EVI5L: variants seen among roughly 807,000 people sequenced by gnomAD.
EVI5L encodes the protein EVI5-like protein.
A neutral mutation model predicts 106.1 loss-of-function variants in EVI5L; 30 were observed. That is an observed-to-expected ratio of 0.28 (90% CI 0.21 to 0.38). The LOEUF (loss-of-function observed/expected upper bound fraction) is 0.38. Ranked by LOEUF, EVI5L falls within the 10% of genes least tolerant of loss-of-function variation. The pLI is 1.00. For synonymous variants in EVI5L, 489 were observed against 483.3 expected (o/e 1.01, Z -0.15); for missense variants, 809 against 1,098.0 (o/e 0.74, Z 3.72).
intron 1 of EVI5L, among the ~76,000 whole-genome samples, chr19:7,833,499 C>A (rs1017622208): frequency 4.6e-5 from 7 of 152,198 alleles, no homozygotes; most frequent in Non-Finnish European, 1.0e-4. Flanking sequence ...CAGCAGGCTG[C>A]AATGGGAGCC....
rs751446273 is a variant in EVI5L at position 7,849,988 on chromosome 19, C to T, written c.628-9C>T. 1.6e-5 allele frequency: 26 copies of T among 1,583,788 alleles called. No individual in the cohort carries two copies. Among genetic ancestry groups the T allele is most frequent in the South Asian group, 8.1e-5 (7 of 86,858 alleles). ...GCCCTGAGCCCCCCCACCTGCCCGT[C>T]CCCCCTAGATGCCTGAGGAGGAGGC... On this transcript the variant is annotated splice_polypyrimidine_tract_variant and intron_variant, in intron 5 of 19. Coordinates refer to ENST00000538904, the MANE Select transcript of EVI5L (RefSeq NM_001159944.3).
At position 7,853,416 on chromosome 19, in the gene EVI5L, G is replaced by C. The variant is rs1187152293; in HGVS notation, c.1146+83G>C. 3.9e-6 allele frequency: 6 copies of C among 1,533,824 alleles called. No homozygotes were observed. The African/African-American group carries it at 8.2e-5, about 21-fold the overall frequency. ...CCGTACTCTAAAGATCGGCCGCTAG[G>C]GGGCGGGCCTTCCCAGCGCACAGGC... On this transcript the variant is annotated intron_variant, in intron 10 of 19. Coordinates refer to ENST00000538904, the MANE Select transcript of EVI5L (RefSeq NM_001159944.3).
chr19:7,854,377 T>C (rs148292481), intron 10 of EVI5L, among the ~76,000 whole-genome samples: 305 of 151,580 alleles, frequency 2.0e-3, no homozygotes, highest in Middle Eastern at 3.4e-3. Context: ...GCACCAGTGA[T>C]AGGAAGGGAC....
chr19:7,853,060 C>T lies in EVI5L; in HGVS notation c.988-26C>T, dbSNP rs571945687. 35 of 1,612,976 alleles carry T rather than the reference C, an allele frequency of 2.2e-5. No homozygotes were observed. The Admixed American group carries it at 2.7e-4, about 12-fold the overall frequency. On this transcript the variant is annotated intron_variant, in intron 8 of 19. Coordinates refer to ENST00000538904, the MANE Select transcript of EVI5L (RefSeq NM_001159944.3). Reference sequence around the variant, plus strand: ...GTGGTCAGGGCCTGCATGTTGGTGACCAGGTGACCGGCTGTGTCCCCACAG... The same window carrying T: ...GTGGTCAGGGCCTGCATGTTGGTGATCAGGTGACCGGCTGTGTCCCCACAG...
At chr19:7,836,126 A>G (rs142588188) in intron 1 of EVI5L, among the ~76,000 whole-genome samples, 1 of 152,198 alleles carries the variant, frequency 6.6e-6, no homozygotes, top group East Asian at 1.9e-4. Context: ...AATCCCAGCT[A>G]CTCGGGAGGC....
At chr19:7,842,156 G>A (rs1298465128) in intron 1 of EVI5L, among the ~76,000 whole-genome samples, 1 of 151,786 alleles carries the variant, frequency 6.6e-6, no homozygotes, top group Admixed American at 6.6e-5. Flanking sequence ...TGTGTATGAG[G>A]TGTGTACTGT....
chr19:7,839,611 A>G (rs1222728992), intron 1 of EVI5L, among the ~76,000 whole-genome samples: 1 of 152,064 alleles, frequency 6.6e-6, no homozygotes, highest in African/African-American at 2.4e-5. Flanking sequence ...AGTTCAATGG[A>G]CGTGGCAGGC....
At chr19:7,842,094 G>C (rs1322029399) in intron 1 of EVI5L, among the ~76,000 whole-genome samples, 3 of 152,164 alleles carry the variant, frequency 2.0e-5, no homozygotes, top group African/African-American at 7.2e-5. Flanking sequence ...GTGTTGAGAA[G>C]TGTGAAAGAG....
At chr19:7,842,587 C>T (rs186813699) in intron 1 of EVI5L, among the ~76,000 whole-genome samples, 6,718 of 125,752 alleles carry the variant, frequency 0.053, 340 homozygotes, top group South Asian at 0.28. Flanking sequence ...ATGTATCAAG[C>T]ATGTGTGAAT....
intron 1 of EVI5L, among the ~76,000 whole-genome samples, chr19:7,833,467 G>A: frequency 6.6e-6 from 1 of 152,266 alleles, no homozygotes; most frequent in Admixed American, 6.5e-5. Context: ...CTGCTGCGGG[G>A]AGCATGAGAC....
At chr19:7,842,177 G>A (rs1055467060) in intron 1 of EVI5L, among the ~76,000 whole-genome samples, 2 of 136,938 alleles carry the variant, frequency 1.5e-5, no homozygotes, top group Non-Finnish European at 3.3e-5. Context: ...GTGTGTGAAT[G>A]TGCATGGGTG....
intron 5 of EVI5L, 32 bp from the exon 6 acceptor site, chr19:7,849,965 C>T: frequency 6.4e-7 from 1 of 1,562,018 alleles, no homozygotes; most frequent in Non-Finnish European, 8.7e-7. Flanking sequence ...GCTGCGCTGC[C>T]CTGAGCCCCC....
chr19:7,849,447 C>A lies in EVI5L; in HGVS notation c.627+117C>A, dbSNP rs1260647316. ...ACCCAGCGTCTTGCTAGGGGTAGAT[C>A]CTCCTTCTCCATCCACACCCGTGAC... On this transcript the variant is annotated intron_variant, in intron 5 of 19. Coordinates refer to ENST00000538904, the MANE Select transcript of EVI5L (RefSeq NM_001159944.3). The A allele has an allele frequency of 2.7e-6, 3 of 1,103,484 alleles. No homozygotes were observed. In the African/African-American group the frequency reaches 4.7e-5, roughly 17 times the overall value. 68.4% of individuals were successfully genotyped at this position (1,103,484 alleles called of 1,614,324 possible). A position where few individuals can be genotyped will look rare whatever the true frequency, so the allele number is the denominator to read the frequency against.
rs1233650105 is a variant in EVI5L at position 7,845,920 on chromosome 19, G to A, written c.-47-576G>A. Among the ~76,000 whole-genome samples, 4 of 152,214 alleles carry A rather than the reference G, an allele frequency of 2.6e-5. No individual in the cohort carries two copies. The highest frequency in any genetic ancestry group is 9.6e-5 in the African/African-American group (4 of 41,456). ...ACGTCCCTGGCTTCTCAACCCAAGGGGAGTCGACTCTTCTGGCCATTGGCA... is the reference window on the plus strand; with the variant it reads ...ACGTCCCTGGCTTCTCAACCCAAGGAGAGTCGACTCTTCTGGCCATTGGCA... On this transcript the variant is annotated intron_variant, in intron 1 of 19. Coordinates refer to ENST00000538904, the MANE Select transcript of EVI5L (RefSeq NM_001159944.3). The surrounding 1 kb of genome is among the most constrained non-coding windows in gnomAD (Gnocchi z 4.0).
At chr19:7,838,136 T>C (rs568050221) in intron 1 of EVI5L, among the ~76,000 whole-genome samples, 2 of 151,044 alleles carry the variant, frequency 1.3e-5, no homozygotes, top group South Asian at 2.1e-4. Flanking sequence ...TGAGACGGAG[T>C]CTCGCTCTGT....
chr19:7,861,866 C>T lies in EVI5L; in HGVS notation c.1504-12C>T, dbSNP rs1323789946. 8 of 1,550,500 alleles carry T rather than the reference C, an allele frequency of 5.2e-6. No homozygotes were observed. The highest frequency in any genetic ancestry group is 7.0e-6 in the Non-Finnish European group (8 of 1,147,128). On this transcript the variant is annotated splice_polypyrimidine_tract_variant and intron_variant, in intron 14 of 19. Coordinates refer to ENST00000538904, the MANE Select transcript of EVI5L (RefSeq NM_001159944.3). ...GCTGCTCCCCCAGGCCCTGACCCCACTCTTCCCGCAGAGGAACAGCTCGCT... is the reference window on the plus strand; with the variant it reads ...GCTGCTCCCCCAGGCCCTGACCCCATTCTTCCCGCAGAGGAACAGCTCGCT...
rs61744445 is a variant in EVI5L, at chr19:7,853,109, C to T, written c.1011C>T (p.His337=). Residue 337 remains histidine (H), a synonymous_variant, in exon 9 of 20, where the codon CAC becomes CAT. Coordinates refer to ENST00000538904, the MANE Select transcript of EVI5L (RefSeq NM_001159944.3). ...AGTACTTCCAGAGAGTGATCCCCCA[C>T]CAGTTCGACAGCTGCCCGGACAAGC... ...MSQYFQRVIP[H]QFDSCPDKLV... 5.3e-4 allele frequency: 854 copies of T among 1,613,828 alleles called. 6 individuals are homozygous for T. The highest frequency in any genetic ancestry group is 1.6e-4 in the Middle Eastern group (1 of 6,084).
chr19:7,858,638 C>G lies in EVI5L; in HGVS notation c.1374+307C>G. On this transcript the variant is annotated intron_variant, in intron 13 of 19. Transcript: ENST00000538904. This position sits in a 1 kb window ranked among gnomAD's most constrained non-coding sequence, Gnocchi z 5.7. ...TCCCTGCAGGGTTTCCTCTGTGTCA[C>G]AGGCAGCAGACAGGGCTGTGACTCC... 2.4e-6 allele frequency: 1 copy of G among 411,120 alleles called. No homozygotes were observed. The highest frequency in any genetic ancestry group is 4.4e-6 in the Non-Finnish European group (1 of 227,194). The allele number at this position is 411,120 out of a possible 1,614,324, so 25.5% of individuals were successfully genotyped here.
At chr19:7,860,483 G>A in intron 13 of EVI5L, 78 bp from the exon 14 acceptor site, 2 of 1,321,730 alleles carry the variant, frequency 1.5e-6, no homozygotes, top group South Asian at 1.4e-5. Context: ...GGGGAGGCGG[G>A]GAGAAGCCAG....
Sources: allele counts gnomAD v4.1 joint callset (sites outside exome capture counted in the v4.1 genomes callset), GRCh38; gene constraint gnomAD v4.1.1; non-coding constraint Gnocchi (gnomAD v3.1); transcripts MANE v1.5; gene names NCBI Gene and HGNC (gene_info 2026-07-23, HGNC 2026-07-21).